Variants in TRPV1 observed in about 807,000 individuals in gnomAD.
TRPV1 encodes the protein transient receptor potential cation channel subfamily V member 1.
TRPV1 carries 82 observed loss-of-function variants against 82.3 expected under a neutral mutation model. The observed-to-expected ratio is 1.00, with a 90% CI of 0.83 to 1.20. The LOEUF (loss-of-function observed/expected upper bound fraction) is 1.20. TRPV1 is among the 50% of genes most tolerant of loss of function. The probability of loss-of-function intolerance (pLI) is 0.00; values close to 1 mark genes in which losing one functional copy is unlikely to be tolerated. For synonymous variants in TRPV1, 515 were observed against 467.7 expected (o/e 1.10, Z -1.30); for missense variants, 1,067 against 1,096.8 (o/e 0.97, Z 0.38).
At chr17:3,598,531 C>T (rs1427353387) in intron 2 of TRPV1, among the ~76,000 whole-genome samples, 3 of 150,996 alleles carry the variant, frequency 2.0e-5, no homozygotes, top group Admixed American at 6.6e-5. Context: ...CATCCCACCA[C>T]GCCACACCCC....
At position 3,589,899 on chromosome 17, in the gene TRPV1, C is replaced by A; in HGVS notation, c.952G>T (p.Ala318Ser). 1 of 1,604,074 alleles carries A rather than the reference C, an allele frequency of 6.2e-7. No homozygotes were observed. Among genetic ancestry groups the A allele is most frequent in the Non-Finnish European group, 8.5e-7 (1 of 1,175,744 alleles). The change falls in exon 7 of 17, where the codon GCC becomes TCC. Residue 318 changes from alanine to serine, a missense_variant. Coordinates refer to ENST00000572705, the MANE Select transcript of TRPV1 (RefSeq NM_080704.4). ...AGCTTCAGCGTCGGGTGCAGTTTGG[C>A]CCCCAGCATCAGAATCTCATTGTAC... ...SMYNEILMLG[A>S]KLHPTLKLEE...
chr17:3,581,973 G>A lies in TRPV1; in HGVS notation c.1476+1365C>T, dbSNP rs575643683. ...TGGGAGGCCAAGGTGGGCGGATCAC[G>A]AGGTCAGGAGATCGAGACCATCCTG... On this transcript the variant is annotated intron_variant, in intron 10 of 16. Coordinates refer to ENST00000572705, the MANE Select transcript of TRPV1 (RefSeq NM_080704.4). 5.9e-4 allele frequency among the ~76,000 whole-genome samples: 87 copies of A among 147,318 alleles called. 3 individuals are homozygous for A. The highest frequency in any genetic ancestry group is 1.2e-3 in the African/African-American group (48 of 40,300).
At chr17:3,585,621 T>C in intron 9 of TRPV1, 147 bp downstream of exon 9, 1 of 982,000 alleles carries the variant, frequency 1.0e-6, no homozygotes. Context: ...TACGAGGTTC[T>C]CCACGTTCTC....
intron 13 of TRPV1, among the ~76,000 whole-genome samples, chr17:3,574,776 C>T (rs111664466): frequency 1.2e-4 from 18 of 151,770 alleles, no homozygotes; most frequent in African/African-American, 1.9e-4. Context: ...GGGTGAAACC[C>T]GTCTCTACTA....
At chr17:3,598,248 G>A (rs2075235999) in intron 2 of TRPV1, among the ~76,000 whole-genome samples, 1 of 152,192 alleles carries the variant, frequency 6.6e-6, no homozygotes, top group African/African-American at 2.4e-5. Context: ...CACTGCCAGG[G>A]AGGCCCTCGT....
At position 3,569,913 on chromosome 17, in the gene TRPV1, G is replaced by C. The variant is rs1457356055; in HGVS notation, c.2347+1611C>G. Among the ~76,000 whole-genome samples, 4 of 150,824 alleles carry C rather than the reference G, an allele frequency of 2.7e-5. No individual in the cohort carries two copies. The Admixed American group carries it at 2.7e-4, about 10-fold the overall frequency. ...GGGGCCAAGGGGTTAGGGGCCAGGG[G>C]CCAAGTGGTCAGGGAGGAGGGGCCA... is the stretch of plus-strand genomic sequence containing the variant. On this transcript the variant is annotated intron_variant, in intron 16 of 16. Transcript: ENST00000572705.
At chr17:3,608,006 G>A (rs1485735374) in intron 2 of TRPV1, among the ~76,000 whole-genome samples, 1 of 152,026 alleles carries the variant, frequency 6.6e-6, no homozygotes, top group Admixed American at 6.6e-5. Context: ...CCTGAGGTCA[G>A]GAGTTCGAGA....
intron 2 of TRPV1, among the ~76,000 whole-genome samples, chr17:3,606,161 A>G (rs910047864): frequency 6.6e-6 from 1 of 152,052 alleles, no homozygotes; most frequent in Non-Finnish European, 1.5e-5. Flanking sequence ...GGGTTTCACC[A>G]TGTTGGCCAG....
intron 13 of TRPV1, among the ~76,000 whole-genome samples, chr17:3,575,220 T>C (rs224519): frequency 0.89 from 135,930 of 152,090 alleles, 62,715 homozygotes; most frequent in East Asian, 1. Flanking sequence ...TGGTGGCTCA[T>C]GCCTGTAATC....
At chr17:3,576,155 G>A (rs74409831) in intron 13 of TRPV1, among the ~76,000 whole-genome samples, 23,208 of 152,038 alleles carry the variant, frequency 0.15, 2,548 homozygotes, top group East Asian at 0.53. Context: ...CCTGGAAGTG[G>A]AGGTTGTAGT....
intron 7 of TRPV1, chr17:3,589,028 G>A (rs2075119584): frequency 7.0e-7 from 1 of 1,427,940 alleles, no homozygotes. Flanking sequence ...GCTCATGCCT[G>A]TAATCCCAGC....
chr17:3,588,890 CCA>C, intron 7 of TRPV1: 1 of 1,535,484 alleles, frequency 6.5e-7, no homozygotes, highest in Non-Finnish European at 8.7e-7. Flanking sequence ...CATATCAGGC[CCA>C]CAATCCCCTC....
At chr17:3,588,530 G>A (rs532719532) in intron 7 of TRPV1, among the ~76,000 whole-genome samples, 163 bp from the exon 8 acceptor site, 3 of 152,192 alleles carry the variant, frequency 2.0e-5, no homozygotes, top group South Asian at 2.1e-4. Flanking sequence ...CCAGCCGGCC[G>A]GGCACGGGTG....
chr17:3,575,346 G>C (rs2074915616), intron 13 of TRPV1, among the ~76,000 whole-genome samples: 1 of 152,084 alleles, frequency 6.6e-6, no homozygotes, highest in Non-Finnish European at 1.5e-5. Context: ...AGCCGGGCGT[G>C]ATGATGGGCA....
chr17:3,569,026 G>A (rs186406336), intron 16 of TRPV1, among the ~76,000 whole-genome samples: 82 of 151,446 alleles, frequency 5.4e-4, no homozygotes, highest in African/African-American at 1.7e-3. Flanking sequence ...GACAAAAAAC[G>A]AAACACCACA....
chr17:3,591,455 A>C, intron 3 of TRPV1, 102 bp from the exon 4 acceptor site: 1 of 1,348,876 alleles, frequency 7.4e-7, no homozygotes, highest in Non-Finnish European at 1.0e-6. Context: ...AAGGCAAACC[A>C]AAAAGGGGAA....
In TRPV1 at chr17:3,590,336, G is replaced by A. The variant is rs2075141279; in HGVS notation, c.661C>T (p.Leu221=). The A allele has an allele frequency of 1.2e-6, 2 of 1,614,034 alleles. No homozygotes were observed. The highest frequency in any genetic ancestry group is 4.5e-5 in the East Asian group (2 of 44,886). Residue 221 remains leucine (L), a synonymous_variant, in exon 6 of 17, where the codon CTG becomes TTG. Transcript: ENST00000572705. ...ERRNMALVTL[L]VENGADVQAA... is the part of the protein sequence containing the mutation. ...TGGACGTCTGCTCCGTTCTCCACCA[G>A]GAGGGTCACCAGGGCCATGTTGCGT...
intron 2 of TRPV1, among the ~76,000 whole-genome samples, chr17:3,597,424 T>G (rs1421656834): frequency 6.6e-6 from 1 of 152,060 alleles, no homozygotes; most frequent in Non-Finnish European, 1.5e-5. Flanking sequence ...GTTTTCAAAA[T>G]AAAGAGGGAA....
chr17:3,587,930 A>C (rs931103507), intron 8 of TRPV1, among the ~76,000 whole-genome samples: 1 of 151,920 alleles, frequency 6.6e-6, no homozygotes. Flanking sequence ...GTGCATTTTT[A>C]AATAGTATAA....
Sources: gnomAD v4.1 joint callset for allele counts (sites outside exome capture counted in the v4.1 genomes callset) on GRCh38, gnomAD v4.1.1 for gene constraint, MANE v1.5 for transcripts, NCBI Gene and HGNC (gene_info 2026-07-23, HGNC 2026-07-21) for gene names.